OSBPL8: variants seen among roughly 807,000 people sequenced by gnomAD.
The protein encoded by OSBPL8 is oxysterol binding protein like 8.
A neutral mutation model predicts 125.5 loss-of-function variants in OSBPL8; 59 were observed. The observed-to-expected ratio is 0.47, with a 90% confidence interval of 0.38 to 0.58. The LOEUF (loss-of-function observed/expected upper bound fraction) is 0.58, where lower values mean the gene tolerates loss of function less well. OSBPL8 is among the 20% of genes least tolerant of loss of function. The probability of loss-of-function intolerance (pLI) is 0.00; values close to 1 mark genes in which losing one functional copy is unlikely to be tolerated. For synonymous variants in OSBPL8, 330 were observed against 338.9 expected (o/e 0.97, Z 0.29); for missense variants, 758 against 1,047.8 (o/e 0.72, Z 3.82).
At chr12:76,440,510 C>T (rs1054307120) in intron 4 of OSBPL8, among the ~76,000 whole-genome samples, 31 of 152,100 alleles carry the variant, frequency 2.0e-4, no homozygotes, top group African/African-American at 7.2e-4. Flanking sequence ...CTTGTGTATA[C>T]TAATAACCCA....
intron 1 of OSBPL8, among the ~76,000 whole-genome samples, chr12:76,494,363 A>AT (rs769811630): frequency 1.3e-5 from 2 of 152,182 alleles, no homozygotes; most frequent in African/African-American, 2.4e-5. Flanking sequence ...TCTAAGTGAT[A>AT]TGAGAACCCA....
chr12:76,455,452 G>C (rs916664773), intron 3 of OSBPL8, among the ~76,000 whole-genome samples: 2 of 152,172 alleles, frequency 1.3e-5, no homozygotes, highest in Non-Finnish European at 2.9e-5. Flanking sequence ...TTAGCATTCT[G>C]TCAGTAAAAC....
At chr12:76,469,350 C>T (rs1019638067) in intron 2 of OSBPL8, among the ~76,000 whole-genome samples, 8 of 152,144 alleles carry the variant, frequency 5.3e-5, no homozygotes, top group Admixed American at 6.5e-5. Flanking sequence ...CCTGACCTCC[C>T]ACTGCAGGCA....
At chr12:76,519,332 A>C (rs1825830700) in intron 1 of OSBPL8, among the ~76,000 whole-genome samples, 1 of 152,064 alleles carries the variant, frequency 6.6e-6, no homozygotes, top group Non-Finnish European at 1.5e-5. Context: ...CAAGTTCCTC[A>C]TTTCCATCTG....
chr12:76,401,318 A>G (rs1208200249), intron 6 of OSBPL8, among the ~76,000 whole-genome samples: 2 of 152,206 alleles, frequency 1.3e-5, no homozygotes, highest in Non-Finnish European at 2.9e-5. Context: ...ACATTTTTTG[A>G]AGAGTATTCA....
At chr12:76,420,849 TA>T (rs1869386687) in intron 4 of OSBPL8, among the ~76,000 whole-genome samples, 2 of 152,056 alleles carry the variant, frequency 1.3e-5, no homozygotes, top group Admixed American at 6.5e-5. Context: ...AGATATTTTA[TA>T]GAGCTTTTTA....
intron 8 of OSBPL8, among the ~76,000 whole-genome samples, chr12:76,397,090 T>A (rs1446778322): frequency 6.6e-6 from 1 of 151,974 alleles, no homozygotes; most frequent in African/African-American, 2.4e-5. Context: ...GCTGGGATTA[T>A]AGGAATGAGC....
intron 1 of OSBPL8, among the ~76,000 whole-genome samples, chr12:76,549,003 G>A (rs559712065): frequency 6.6e-6 from 1 of 152,018 alleles, no homozygotes; most frequent in East Asian, 1.9e-4. Context: ...TAAGACTCAA[G>A]ACGACAATAC....
intron 4 of OSBPL8, among the ~76,000 whole-genome samples, chr12:76,449,632 CT>C (rs1873137334): frequency 6.6e-6 from 1 of 152,136 alleles, no homozygotes; most frequent in African/African-American, 2.4e-5. Context: ...AAAATTATTG[CT>C]CTTGAACCTT....
At chr12:76,435,155 C>CGT (rs71082308) in intron 4 of OSBPL8, among the ~76,000 whole-genome samples, 4,264 of 146,464 alleles carry the variant, frequency 0.029, 81 homozygotes, top group South Asian at 0.051. Flanking sequence ...TATATATCTA[C>CGT]GTGTGTGTGT....
chr12:76,375,255 A>T lies in OSBPL8; in HGVS notation c.1827+18T>A. On this transcript the variant is annotated intron_variant, in intron 17 of 23. Transcript: ENST00000261183. Reference sequence around the variant, plus strand: ...GCTCTCCTTTAGCTAGGTGATACCTACTGTATTGTCTACTAACCTTTAGTT... The same window carrying T: ...GCTCTCCTTTAGCTAGGTGATACCTTCTGTATTGTCTACTAACCTTTAGTT... The T allele has an allele frequency of 6.6e-7, 1 of 1,514,584 alleles. No homozygotes were observed. The highest frequency in any genetic ancestry group is 1.4e-5 in the African/African-American group (1 of 72,882). The allele number at this position is 1,514,584 out of a possible 1,614,324, so 93.8% of individuals were successfully genotyped here.
At chr12:76,503,835 G>A (rs550609135) in intron 1 of OSBPL8, among the ~76,000 whole-genome samples, 6 of 152,114 alleles carry the variant, frequency 3.9e-5, no homozygotes, top group East Asian at 3.9e-4. Context: ...AAGCCACCGC[G>A]CCTGGCCTAT....
At chr12:76,484,140 T>C (rs1877872097) in intron 2 of OSBPL8, among the ~76,000 whole-genome samples, 1 of 152,222 alleles carries the variant, frequency 6.6e-6, no homozygotes, top group Non-Finnish European at 1.5e-5. Flanking sequence ...ATCTGGCATA[T>C]CCATCATTAT....
intron 3 of OSBPL8, among the ~76,000 whole-genome samples, chr12:76,454,700 C>CA (rs1486463984): frequency 7.7e-6 from 1 of 129,748 alleles, no homozygotes; most frequent in East Asian, 2.2e-4. Flanking sequence ...GTGTGGGCAA[C>CA]AGAGCAAGAC....
intron 1 of OSBPL8, among the ~76,000 whole-genome samples, chr12:76,503,433 T>C (rs1028646915): frequency 6.6e-5 from 10 of 152,248 alleles, no homozygotes; most frequent in Non-Finnish European, 5.9e-5. Context: ...TTAACTTAAC[T>C]ATCTCATTAA....
In OSBPL8 at chr12:76,451,661, C is replaced by T. The variant is rs536122763; in HGVS notation, c.80-673G>A. Among the ~76,000 whole-genome samples the T allele has an allele frequency of 5.7e-4, 86 of 152,148 alleles. 2 individuals are homozygous for T. Among genetic ancestry groups the T allele is most frequent in the Admixed American group, 3.2e-3 (49 of 15,268 alleles). On this transcript the variant is annotated intron_variant, in intron 3 of 23. Transcript: ENST00000261183. Reference sequence around the variant, plus strand: ...GTAGTGCTTTGTAGTTGCTTCTCACCCATTTGGCCATCCTACTATCTATCG... The same window carrying T: ...GTAGTGCTTTGTAGTTGCTTCTCACTCATTTGGCCATCCTACTATCTATCG...
chr12:76,533,840 A>T (rs1950417437), intron 1 of OSBPL8, among the ~76,000 whole-genome samples: 3 of 152,252 alleles, frequency 2.0e-5, no homozygotes, highest in African/African-American at 7.2e-5. Context: ...ATTCAAATGC[A>T]TAACCAACAT....
At chr12:76,462,381 C>CAT (rs1874844441) in intron 2 of OSBPL8, among the ~76,000 whole-genome samples, 1 of 151,906 alleles carries the variant, frequency 6.6e-6, no homozygotes, top group South Asian at 2.1e-4. Context: ...ATGTCTGTGT[C>CAT]ATACAAATCT....
At chr12:76,459,722 C>T in intron 3 of OSBPL8, 137 bp downstream of exon 3, 5 of 983,238 alleles carry the variant, frequency 5.1e-6, no homozygotes, top group Non-Finnish European at 7.6e-6. Flanking sequence ...ATATTCTTTA[C>T]TTTATATTTC....
Sources: gnomAD v4.1 joint callset for allele counts (sites outside exome capture counted in the v4.1 genomes callset) on GRCh38, gnomAD v4.1.1 for gene constraint, MANE v1.5 for transcripts, NCBI Gene and HGNC (gene_info 2026-07-23, HGNC 2026-07-21) for gene names.